DCC: variants seen among roughly 807,000 people sequenced by gnomAD.
DCC encodes DCC netrin 1 receptor.
In DCC, 58 loss-of-function variants were observed where a neutral mutation model predicts 172.5. The observed-to-expected ratio is 0.34, with a 90% CI of 0.27 to 0.42. The LOEUF is 0.42. Among genes scored for constraint, DCC ranks in the 10% least tolerant of loss-of-function variants. DCC has a pLI of 1.00. For synonymous variants in DCC, 709 were observed against 644.5 expected (o/e 1.10, Z -1.52); for missense variants, 1,740 against 1,791.0 (o/e 0.97, Z 0.51).
intron 27 of DCC, among the ~76,000 whole-genome samples, chr18:53,522,098 C>G (rs2046405045): frequency 6.6e-6 from 1 of 152,062 alleles, no homozygotes. Flanking sequence ...CTTTTTAAAG[C>G]TTTTAAACTT....
intron 2 of DCC, among the ~76,000 whole-genome samples, chr18:52,786,535 G>A (rs1412154110): frequency 6.6e-6 from 1 of 152,006 alleles, no homozygotes; most frequent in African/African-American, 2.4e-5. Context: ...CTGATTATTT[G>A]GAATAAAGTT....
chr18:53,066,780 A>G (rs568684289), intron 7 of DCC, among the ~76,000 whole-genome samples: 1 of 152,198 alleles, frequency 6.6e-6, no homozygotes, highest in Admixed American at 6.5e-5. Flanking sequence ...ATTTATAAAG[A>G]AAAGAGGTTT....
At position 52,538,836 on chromosome 18, in the gene DCC, T is replaced by C. The variant is rs142382852; in HGVS notation, c.91+197958T>C. Among the ~76,000 whole-genome samples the C allele has an allele frequency of 5.9e-3, 901 of 152,314 alleles. 7 individuals carry two copies. Among genetic ancestry groups the C allele is most frequent in the Non-Finnish European group, 7.7e-3 (522 of 68,020 alleles). Reference sequence around the variant, plus strand: ...AAGTTATCTGTTCTCCTTTTGTACTTTCCCACAGAGCTGTACAAAATATCA... The same window carrying C: ...AAGTTATCTGTTCTCCTTTTGTACTCTCCCACAGAGCTGTACAAAATATCA... On this transcript the variant is annotated intron_variant, in intron 1 of 28. Coordinates refer to ENST00000442544, the MANE Select transcript of DCC (RefSeq NM_005215.4).
chr18:52,635,060 G>A (rs2034747978), intron 1 of DCC, among the ~76,000 whole-genome samples: 1 of 152,170 alleles, frequency 6.6e-6, no homozygotes, highest in Non-Finnish European at 1.5e-5. Context: ...ATTATTTCCA[G>A]TGGTTTCTAG....
rs1378296929 is a variant in DCC at position 53,144,487 on chromosome 18, A to T, written c.1262-12869A>T. ...GGCAGGCAAGAGAGAGCTTGTGCAAAGGAACTCCCCCTTATAAAACCATCA... is the reference window on the plus strand; with the variant it reads ...GGCAGGCAAGAGAGAGCTTGTGCAATGGAACTCCCCCTTATAAAACCATCA... On this transcript the variant is annotated intron_variant, in intron 7 of 28. Coordinates refer to ENST00000442544, the MANE Select transcript of DCC (RefSeq NM_005215.4). Among the ~76,000 whole-genome samples, 3 of 152,120 alleles carry T rather than the reference A, an allele frequency of 2.0e-5. No individual in the cohort carries two copies. In the South Asian group the frequency reaches 6.2e-4, roughly 31 times the overall value.
At chr18:52,545,508 A>G (rs1354311081) in intron 1 of DCC, among the ~76,000 whole-genome samples, 2 of 152,200 alleles carry the variant, frequency 1.3e-5, no homozygotes, top group African/African-American at 2.4e-5. Flanking sequence ...TTGTTATGGG[A>G]AAAAACAGGT....
At chr18:53,491,712 T>C (rs1168730888) in intron 26 of DCC, among the ~76,000 whole-genome samples, 1 of 152,216 alleles carries the variant, frequency 6.6e-6, no homozygotes. Context: ...ACATTTTCTT[T>C]ATCCAGTCCA....
chr18:52,628,968 G>A (rs17828742), intron 1 of DCC, among the ~76,000 whole-genome samples: 3,375 of 152,280 alleles, frequency 0.022, 104 homozygotes, highest in Admixed American at 0.077. Flanking sequence ...GAAAGGATTT[G>A]TTACACTCTC....
intron 1 of DCC, among the ~76,000 whole-genome samples, chr18:52,682,397 G>A (rs76763249): frequency 0.02 from 3,073 of 152,080 alleles, 50 homozygotes; most frequent in Middle Eastern, 0.065. Context: ...AGAAGGATTT[G>A]GAGGAAAATG....
chr18:52,423,712 A>G (rs1342065037), intron 1 of DCC, among the ~76,000 whole-genome samples: 1 of 152,126 alleles, frequency 6.6e-6, no homozygotes, highest in Non-Finnish European at 1.5e-5. Context: ...GGTTTATGGC[A>G]TTGATGAGTA....
intron 5 of DCC, among the ~76,000 whole-genome samples, chr18:52,933,184 G>A (rs2040333245): frequency 6.6e-6 from 1 of 152,110 alleles, no homozygotes; most frequent in East Asian, 1.9e-4. Flanking sequence ...CTGAACCACA[G>A]TGTGAGTAGA....
chr18:53,082,351 CTT>C (rs1487444450), intron 7 of DCC, among the ~76,000 whole-genome samples: 1 of 152,082 alleles, frequency 6.6e-6, no homozygotes, highest in Non-Finnish European at 1.5e-5. Flanking sequence ...GGGATTAAAA[CTT>C]AATTTTTCAA....
chr18:52,665,579 C>G (rs556190371), intron 1 of DCC, among the ~76,000 whole-genome samples: 10 of 152,088 alleles, frequency 6.6e-5, no homozygotes, highest in African/African-American at 2.4e-4. Context: ...ATAATCGGAG[C>G]CTGATTTATA....
At position 52,817,599 on chromosome 18, in the gene DCC, AAT is replaced by A. The variant is rs986612033; in HGVS notation, c.412+65232_412+65233del. On this transcript the variant is annotated intron_variant, in intron 2 of 28. Coordinates refer to ENST00000442544, the MANE Select transcript of DCC (RefSeq NM_005215.4). ...TAAGTCAGTCTCTCTTCCTCTTTCT[AAT>A]ATATATTTTCATCTTAATGAGTGAT... Among the ~76,000 whole-genome samples the A allele has an allele frequency of 2.1e-4, 32 of 152,132 alleles. 1 individual carries two copies. The highest frequency in any genetic ancestry group is 3.3e-4 in the Admixed American group (5 of 15,280).
chr18:53,427,780 A>T (rs73960123), intron 21 of DCC, among the ~76,000 whole-genome samples: 4,195 of 142,728 alleles, frequency 0.029, 238 homozygotes, highest in African/African-American at 0.1. Context: ...AATTCAGAGG[A>T]GTAACCAATG....
At chr18:53,153,552 C>T (rs2054678753) in intron 7 of DCC, among the ~76,000 whole-genome samples, 1 of 152,124 alleles carries the variant, frequency 6.6e-6, no homozygotes, top group Admixed American at 6.5e-5. Context: ...TTTTCAGACT[C>T]TGTTTTAATG....
chr18:52,936,894 C>G (rs2040389515), intron 5 of DCC, among the ~76,000 whole-genome samples: 2 of 152,160 alleles, frequency 1.3e-5, no homozygotes, highest in African/African-American at 4.8e-5. Flanking sequence ...GCAATATATG[C>G]CATTTCTTCA....
At chr18:52,579,108 G>A (rs17828449) in intron 1 of DCC, among the ~76,000 whole-genome samples, 3,057 of 152,260 alleles carry the variant, frequency 0.02, 108 homozygotes, top group East Asian at 0.095. Context: ...TTTAAGGCCA[G>A]CACTTCCTCT....
chr18:52,978,511 G>A (rs533638910), intron 5 of DCC, among the ~76,000 whole-genome samples: 1 of 152,190 alleles, frequency 6.6e-6, no homozygotes, highest in South Asian at 2.1e-4. Context: ...TGTGTATTAA[G>A]TCACTTAATT....
Sources: gnomAD v4.1 joint callset for allele counts (sites outside exome capture counted in the v4.1 genomes callset) on GRCh38, gnomAD v4.1.1 for gene constraint, MANE v1.5 for transcripts, NCBI Gene and HGNC (gene_info 2026-07-23, HGNC 2026-07-21) for gene names.